The following FOXJ3 variants were observed in gnomAD, a reference collection of about 807,000 sequenced individuals.
FOXJ3 encodes forkhead box J3.
In FOXJ3, 22 loss-of-function variants were observed where a neutral mutation model predicts 76.1. The ratio of observed to expected loss-of-function variants is 0.29; its 90% CI spans 0.21 to 0.41. The LOEUF is 0.41. Ranked by LOEUF, FOXJ3 falls within the 10% of genes least tolerant of loss-of-function variation. FOXJ3 has a pLI of 1.00. For missense variants in FOXJ3, 613 were observed against 762.1 expected (o/e 0.80, Z 2.30); for synonymous variants, 269 against 261.2 (o/e 1.03, Z -0.29).
chr1:42,273,203 T>C (rs1320402121), intron 3 of FOXJ3, among the ~76,000 whole-genome samples: 1 of 152,228 alleles, frequency 6.6e-6, no homozygotes, highest in Admixed American at 6.5e-5. Flanking sequence ...TGGATTCCTC[T>C]ATTACAGAGC....
At chr1:42,227,858 T>C (rs536653575) in intron 5 of FOXJ3, 25 bp downstream of exon 5, 4 of 1,416,364 alleles carry the variant, frequency 2.8e-6, no homozygotes, top group Admixed American at 3.6e-5. Context: ...TGCATTACAC[T>C]AAATTTATGA....
chr1:42,207,774 T>C (rs1646888791), intron 5 of FOXJ3, among the ~76,000 whole-genome samples: 1 of 152,200 alleles, frequency 6.6e-6, no homozygotes, highest in Non-Finnish European at 1.5e-5. Context: ...AATAGGGATC[T>C]TGATTGAAAA....
At chr1:42,298,587 A>G (rs973902953) in intron 2 of FOXJ3, among the ~76,000 whole-genome samples, 79 of 152,066 alleles carry the variant, frequency 5.2e-4, no homozygotes, top group African/African-American at 1.8e-3. Flanking sequence ...CAGGCTGTCA[A>G]TTTTGTGTAT....
intron 5 of FOXJ3, 83 bp downstream of exon 5, chr1:42,227,800 G>A (rs1647693182): frequency 8.9e-6 from 6 of 671,486 alleles, no homozygotes; most frequent in Non-Finnish European, 1.5e-5. Flanking sequence ...AGTTACATGT[G>A]CTAGACTGGA....
chr1:42,318,777 AATAGTGTTGCT>A (rs1458191587), intron 1 of FOXJ3, among the ~76,000 whole-genome samples: 2 of 152,212 alleles, frequency 1.3e-5, no homozygotes, highest in African/African-American at 4.8e-5. Context: ...ACAAGTGTAA[AATAGTGTTGCT>A]ACTTTGGGAA....
chr1:42,253,583 C>T (rs1650296924), intron 4 of FOXJ3, among the ~76,000 whole-genome samples: 1 of 151,042 alleles, frequency 6.6e-6, no homozygotes, highest in African/African-American at 2.4e-5. Context: ...GCTACAGTAA[C>T]CAAAACAGCA....
At chr1:42,231,975 T>A (rs907283303) in intron 4 of FOXJ3, among the ~76,000 whole-genome samples, 25 of 143,918 alleles carry the variant, frequency 1.7e-4, no homozygotes, top group Middle Eastern at 3.5e-3. Context: ...CAGGCCCCGG[T>A]GTGTGATGTT....
At chr1:42,220,518 A>C (rs1332802941) in intron 5 of FOXJ3, among the ~76,000 whole-genome samples, 1 of 152,108 alleles carries the variant, frequency 6.6e-6, no homozygotes, top group Non-Finnish European at 1.5e-5. Context: ...TACTACAAAT[A>C]ACAGCAACTT....
intron 6 of FOXJ3, among the ~76,000 whole-genome samples, chr1:42,203,016 A>G (rs552159751): frequency 1.4e-4 from 21 of 152,186 alleles, no homozygotes; most frequent in African/African-American, 4.8e-4. Context: ...TTTACCTCTT[A>G]AGTTTTTCTG....
intron 3 of FOXJ3, among the ~76,000 whole-genome samples, chr1:42,276,360 A>G (rs1652259020): frequency 6.6e-6 from 1 of 152,182 alleles, no homozygotes; most frequent in South Asian, 2.1e-4. Flanking sequence ...TGTCTTAAAA[A>G]AAAGGGGGCG....
chr1:42,231,558 T>C (rs1648117574), intron 4 of FOXJ3, among the ~76,000 whole-genome samples: 1 of 152,226 alleles, frequency 6.6e-6, no homozygotes, highest in South Asian at 2.1e-4. Flanking sequence ...ATGGTAATGA[T>C]AACTGCACAA....
intron 2 of FOXJ3, among the ~76,000 whole-genome samples, chr1:42,299,753 C>G (rs1410774872): frequency 6.6e-6 from 1 of 151,670 alleles, no homozygotes; most frequent in East Asian, 1.9e-4. Flanking sequence ...CTAAAAAATA[C>G]AAAAGTTAGC....
At chr1:42,200,231 C>A (rs1481337625) in intron 6 of FOXJ3, among the ~76,000 whole-genome samples, 9 of 152,118 alleles carry the variant, frequency 5.9e-5, no homozygotes, top group Admixed American at 5.9e-4. Context: ...ATCCATATCT[C>A]CTGTCCCAGG....
chr1:42,229,428 G>GT (rs1205324790), intron 4 of FOXJ3, among the ~76,000 whole-genome samples: 1 of 152,134 alleles, frequency 6.6e-6, no homozygotes, highest in Non-Finnish European at 1.5e-5. Context: ...AAAAAAAGCT[G>GT]TTTAACAAAC....
chr1:42,181,483 A>G (rs1438372158), intron 12 of FOXJ3, among the ~76,000 whole-genome samples: 2 of 152,228 alleles, frequency 1.3e-5, no homozygotes, highest in South Asian at 2.1e-4. Flanking sequence ...AAAACCTGCT[A>G]AAGTCCTGTC....
chr1:42,217,681 G>T (rs1001556095), intron 5 of FOXJ3, among the ~76,000 whole-genome samples: 7 of 152,134 alleles, frequency 4.6e-5, no homozygotes, highest in Non-Finnish European at 1.0e-4. Context: ...CATTTTTATG[G>T]ATTAGAATAT....
At chr1:42,319,605 C>T (rs1655318538) in intron 1 of FOXJ3, among the ~76,000 whole-genome samples, 1 of 152,086 alleles carries the variant, frequency 6.6e-6, no homozygotes, top group African/African-American at 2.4e-5. Context: ...TTGCACAATC[C>T]TGTGAATATA....
intron 6 of FOXJ3, 147 bp from the exon 7 acceptor site, chr1:42,199,377 T>C (rs1189571549): frequency 1.7e-6 from 1 of 586,650 alleles, no homozygotes. Context: ...ATGCCCCATA[T>C]GGCTAAGTTC....
intron 5 of FOXJ3, among the ~76,000 whole-genome samples, chr1:42,218,477 G>A (rs771070577): frequency 7.2e-5 from 11 of 152,186 alleles, no homozygotes; most frequent in Non-Finnish European, 1.6e-4. Context: ...TAGATAATGT[G>A]TTGATTTTTC....
Sources: allele counts gnomAD v4.1 joint callset (sites outside exome capture counted in the v4.1 genomes callset), GRCh38; gene constraint gnomAD v4.1.1; transcripts MANE v1.5; gene names NCBI Gene and HGNC (gene_info 2026-07-23, HGNC 2026-07-21).